KCNH1: variants seen among roughly 807,000 people sequenced by gnomAD.
The protein encoded by KCNH1 is voltage-gated delayed rectifier potassium channel KCNH1.
KCNH1 carries 27 observed loss-of-function variants against 69.2 expected under a neutral mutation model. That is an observed-to-expected ratio of 0.39 (90% confidence interval 0.29 to 0.54). KCNH1 has a LOEUF of 0.54. Ranked by LOEUF, KCNH1 falls within the 20% of genes least tolerant of loss-of-function variation. The pLI is 0.68. For synonymous variants in KCNH1, 456 were observed against 487.7 expected, an observed-to-expected ratio of 0.93 and a Z score of 0.86; for missense variants, 798 against 1,261.6, an observed-to-expected ratio of 0.63 and a Z score of 5.57.
intron 9 of KCNH1, among the ~76,000 whole-genome samples, chr1:210,791,245 A>T (rs1043560871): frequency 1.3e-5 from 2 of 152,160 alleles, no homozygotes; most frequent in Non-Finnish European, 2.9e-5. Context: ...CACGTTCATC[A>T]TCTCACCCCA....
intron 7 of KCNH1, among the ~76,000 whole-genome samples, chr1:210,917,676 T>C (rs1342282525): frequency 6.6e-6 from 1 of 152,186 alleles, no homozygotes. Context: ...AATGAGGTAT[T>C]TCGACTGACA....
chr1:210,712,455 C>CAGCAG (rs773401829), intron 10 of KCNH1, among the ~76,000 whole-genome samples: 10 of 152,196 alleles, frequency 6.6e-5, no homozygotes, highest in Non-Finnish European at 1.2e-4. Flanking sequence ...TAGAGGCTCA[C>CAGCAG]AGCAGAACGA....
chr1:210,721,476 T>G (rs115273478), intron 10 of KCNH1, among the ~76,000 whole-genome samples: 2,185 of 152,304 alleles, frequency 0.014, 55 homozygotes, highest in African/African-American at 0.049. Flanking sequence ...TTGCATTGTT[T>G]TTAGAATAAT....
intron 5 of KCNH1, among the ~76,000 whole-genome samples, chr1:211,080,834 T>G (rs1036572621): frequency 6.6e-6 from 1 of 152,194 alleles, no homozygotes; most frequent in Non-Finnish European, 1.5e-5. Context: ...GATTAAGGAC[T>G]TAAATGTGAG....
In KCNH1 at chr1:211,015,021, C is replaced by T. The variant is rs1034937360; in HGVS notation, c.1032+3762G>A. Among the ~76,000 whole-genome samples the T allele has an allele frequency of 4.1e-5, 5 of 121,612 alleles. No homozygotes were observed. The East Asian group carries it at 5.9e-4, about 14-fold the overall frequency. 79.8% of individuals were successfully genotyped at this position (121,612 alleles called of 152,430 possible). On this transcript the variant is annotated intron_variant, in intron 6 of 10. Transcript: ENST00000271751. ...TCCAACATCCTGTAACAAACATCAA[C>T]CATTCATTCCCATTAATTTAATGGT...
intron 7 of KCNH1, among the ~76,000 whole-genome samples, chr1:210,863,160 T>C (rs138251282): frequency 8.8e-4 from 134 of 152,246 alleles, no homozygotes; most frequent in African/African-American, 3.2e-3. Context: ...TTAGGGATGA[T>C]AAGGAGCAGA....
At chr1:210,946,395 A>G (rs1399825417) in intron 6 of KCNH1, among the ~76,000 whole-genome samples, 3 of 152,094 alleles carry the variant, frequency 2.0e-5, no homozygotes, top group Non-Finnish European at 4.4e-5. Flanking sequence ...CAAAAACCAC[A>G]TTTCAGAATC....
chr1:210,930,931 T>C (rs1007000900), intron 6 of KCNH1, among the ~76,000 whole-genome samples: 6 of 152,032 alleles, frequency 3.9e-5, no homozygotes, highest in African/African-American at 7.2e-5. Flanking sequence ...TATGGAAAAA[T>C]GCTAAACATT....
At chr1:210,747,738 C>T (rs79901012) in intron 10 of KCNH1, among the ~76,000 whole-genome samples, 222 of 151,878 alleles carry the variant, frequency 1.5e-3, no homozygotes, top group Middle Eastern at 6.8e-3. Context: ...AGTATTCTAC[C>T]GAGTTCTTTA....
chr1:210,975,598 T>G (rs543357961), intron 6 of KCNH1, among the ~76,000 whole-genome samples: 162 of 152,266 alleles, frequency 1.1e-3, no homozygotes, highest in Non-Finnish European at 1.8e-3. Flanking sequence ...CAACAATTAA[T>G]TGAAGATGGA....
chr1:210,693,319 A>G (rs1322859748), intron 10 of KCNH1, among the ~76,000 whole-genome samples: 1 of 152,176 alleles, frequency 6.6e-6, no homozygotes, highest in East Asian at 1.9e-4. Context: ...GCATGGGTAC[A>G]TCAGTGTTTC....
intron 10 of KCNH1, among the ~76,000 whole-genome samples, chr1:210,756,154 T>TCTGC (rs1470912124): frequency 6.6e-6 from 1 of 152,202 alleles, no homozygotes; most frequent in African/African-American, 2.4e-5. Context: ...CCTACTGCCA[T>TCTGC]CTGCCATAGG....
At position 210,683,895 on chromosome 1, in the gene KCNH1, T is replaced by C. The variant is rs778096394; in HGVS notation, c.2356A>G (p.Ser786Gly). The change falls in exon 11 of 11, where the codon AGC (serine) becomes GGC (glycine). Residue 786 changes from serine (S) to glycine (G), a missense_variant. Ser to Gly is a moderately conservative substitution (Grantham distance 56). Transcript: ENST00000271751. The surrounding 1 kb of genome is among the most constrained non-coding windows in gnomAD (Gnocchi z 5.7). ...GGACTCTCACGCACGGTGACCACGC[T>C]GGCCTTCACGAGGCTGTGGTTGGCG... The part of the protein sequence containing the change: ...ASANHSLVKA[S>G]VVTVRESPAT... The C allele has an allele frequency of 6.2e-7, 1 of 1,613,790 alleles. No homozygotes were observed. The highest frequency in any genetic ancestry group is 8.5e-7 in the Non-Finnish European group (1 of 1,179,704).
chr1:211,017,167 G>A (rs1382644660), intron 6 of KCNH1, among the ~76,000 whole-genome samples: 1 of 152,050 alleles, frequency 6.6e-6, no homozygotes, highest in African/African-American at 2.4e-5. Context: ...GCTCTACATT[G>A]GCAGCATTTT....
chr1:210,978,876 G>A (rs191592543), intron 6 of KCNH1, among the ~76,000 whole-genome samples: 14 of 152,258 alleles, frequency 9.2e-5, no homozygotes, highest in East Asian at 5.8e-4. Context: ...GCTGTTTTAC[G>A]TCTGCCTAGA....
chr1:210,963,741 AAAAAAGAATG>A (rs1205109796), intron 6 of KCNH1, among the ~76,000 whole-genome samples: 1 of 152,098 alleles, frequency 6.6e-6, no homozygotes, highest in Non-Finnish European at 1.5e-5. Context: ...AAGATTAGAG[AAAAAAGAATG>A]AAAAGGAATG....
intron 10 of KCNH1, among the ~76,000 whole-genome samples, chr1:210,726,315 T>C (rs1682589391): frequency 6.6e-6 from 1 of 152,114 alleles, no homozygotes; most frequent in Admixed American, 6.5e-5. Context: ...ATGGGGAGAC[T>C]TGGGAGCAAA....
At chr1:210,709,469 T>A (rs965537856) in intron 10 of KCNH1, among the ~76,000 whole-genome samples, 1 of 152,164 alleles carries the variant, frequency 6.6e-6, no homozygotes, top group Admixed American at 6.5e-5. Context: ...TCCAGAACTG[T>A]GAGACAATAC....
At chr1:210,965,739 A>G (rs1688387220) in intron 6 of KCNH1, among the ~76,000 whole-genome samples, 1 of 152,218 alleles carries the variant, frequency 6.6e-6, no homozygotes, top group Non-Finnish European at 1.5e-5. Flanking sequence ...GAGAGGACAT[A>G]AACAAATTGA....
Sources: allele counts gnomAD v4.1 joint callset (sites outside exome capture counted in the v4.1 genomes callset), GRCh38; gene constraint gnomAD v4.1.1; non-coding constraint Gnocchi (gnomAD v3.1); transcripts MANE v1.5; gene names NCBI Gene and HGNC (gene_info 2026-07-23, HGNC 2026-07-21).